FOXR1: variants seen among roughly 807,000 people sequenced by gnomAD.
FOXR1 encodes the protein forkhead box R1, also known as forkhead box protein R1.
FOXR1 carries 25 observed loss-of-function variants against 34.5 expected under a neutral mutation model. The observed-to-expected ratio is 0.72, with a 90% CI of 0.53 to 1.01. The LOEUF (loss-of-function observed/expected upper bound fraction) is 1.01, where lower values mean the gene tolerates loss of function less well. FOXR1 is among the 50% of genes least tolerant of loss of function. The pLI, the probability that FOXR1 is intolerant of heterozygous loss-of-function variation, is 0.00. For synonymous variants in FOXR1, 153 were observed against 141.6 expected (o/e 1.08, Z -0.57); for missense variants, 373 against 376.2 (o/e 0.99, Z 0.07).
At chr11:118,972,105 G>A in intron 1 of FOXR1, 113 bp downstream of exon 1, 1 of 884,498 alleles carries the variant, frequency 1.1e-6, no homozygotes, top group Non-Finnish European at 1.6e-6. Context: ...CTCCCGGGGA[G>A]GCTTGGGGGG....
intron 1 of FOXR1, among the ~76,000 whole-genome samples, chr11:118,975,153 A>C (rs1049858360): frequency 1.3e-5 from 2 of 152,158 alleles, no homozygotes; most frequent in African/African-American, 4.8e-5. Context: ...ACTAGCAAAA[A>C]AGACTATTGA....
Position 118,980,498 on chromosome 11 carries a change from TC to T in FOXR1, c.624del (p.Phe210SerfsTer44), listed in dbSNP as rs534285438. Reference protein sequence around the residue: ...QQIYSFTRKHFPFFRTAPEGW... With the variant: ...QQIYSFTRKHXPFFRTAPEGW... ...CTCCTCCCTGTCCATAGAAAGCACT[TC>T]CCCTTTTTCCGGACGGCCCCGGAAG... On this transcript the variant is annotated frameshift_variant, in exon 5 of 6. Transcript: ENST00000317011. LOFTEE classifies it high-confidence loss of function. 7.4e-6 allele frequency: 12 copies of T among 1,614,076 alleles called. No homozygotes were observed. Among genetic ancestry groups the T allele is most frequent in the Non-Finnish European group, 1.0e-5 (12 of 1,180,016 alleles).
chr11:118,980,876 T>C, intron 5 of FOXR1, 148 bp downstream of exon 5: 1 of 837,580 alleles, frequency 1.2e-6, no homozygotes. Flanking sequence ...TCTGAGACCC[T>C]CAGGTGATGC....
chr11:118,980,624 G>A lies in FOXR1; in HGVS notation c.746G>A (p.Cys249Tyr). 1 of 1,614,232 alleles carries A rather than the reference G, an allele frequency of 6.2e-7. No individual in the cohort carries two copies. The highest frequency in any genetic ancestry group is 8.5e-7 in the Non-Finnish European group (1 of 1,180,056). The change falls in exon 5 of 6, where the codon TGC (cysteine) becomes TAC (tyrosine). Residue 249 changes from cysteine to tyrosine, a missense_variant. Coordinates refer to ENST00000317011, the MANE Select transcript of FOXR1 (RefSeq NM_181721.3). ...QGGASTRPRS[C>Y]LWKLTEEGHR... ...GGGGCCAGCACACGGCCTCGATCTT[G>A]CCTCTGGAAGTTGACCGAGGAGGGA...
intron 1 of FOXR1, among the ~76,000 whole-genome samples, chr11:118,972,364 A>G (rs1941721517): frequency 6.6e-6 from 1 of 151,764 alleles, no homozygotes; most frequent in African/African-American, 2.4e-5. Context: ...GCCATTTGCT[A>G]TACTGTATAT....
chr11:118,976,069 C>T (rs897637244), intron 1 of FOXR1, among the ~76,000 whole-genome samples: 9 of 152,098 alleles, frequency 5.9e-5, no homozygotes, highest in Non-Finnish European at 1.0e-4. Context: ...CGAGGTGGTG[C>T]GTTTTTATGT....
intron 1 of FOXR1, among the ~76,000 whole-genome samples, chr11:118,977,194 C>A (rs887146472): frequency 2.0e-5 from 3 of 152,012 alleles, no homozygotes; most frequent in Non-Finnish European, 4.4e-5. Context: ...CCAAGCCCGG[C>A]TAATTTTTTG....
Position 118,978,816 on chromosome 11 carries a change from A to G in FOXR1, c.96A>G (p.Pro32=), listed in dbSNP as rs1314284811. The G allele has an allele frequency of 6.2e-7, 1 of 1,614,214 alleles. No homozygotes were observed. Among genetic ancestry groups the G allele is most frequent in the Non-Finnish European group, 8.5e-7 (1 of 1,180,050 alleles). Reference sequence around the variant, plus strand: ...ATAAACTCCGAATTGTTAAGCCACCAAAATTACCCCTAGAGAAAAAACCCA... The same window carrying G: ...ATAAACTCCGAATTGTTAAGCCACCGAAATTACCCCTAGAGAAAAAACCCA... ...ARYKLRIVKP[P]KLPLEKKPNP... The change falls in exon 2 of 6, where the codon CCA becomes CCG. Residue 32 remains proline (P), a synonymous_variant. Transcript: ENST00000317011.
At chr11:118,974,482 C>T (rs1033428104) in intron 1 of FOXR1, among the ~76,000 whole-genome samples, 1 of 152,218 alleles carries the variant, frequency 6.6e-6, no homozygotes. Flanking sequence ...GAGTGACATG[C>T]TCTCAGGGTC....
chr11:118,973,411 G>GT (rs906175957), intron 1 of FOXR1, among the ~76,000 whole-genome samples: 9 of 151,652 alleles, frequency 5.9e-5, no homozygotes, highest in African/African-American at 7.3e-5. Flanking sequence ...GCTACAGTTT[G>GT]TTTTTTTTGT....
At position 118,978,844 on chromosome 11, in the gene FOXR1, C is replaced by T; in HGVS notation, c.124C>T (p.Pro42Ser). 1.2e-6 allele frequency: 2 copies of T among 1,614,168 alleles called. No homozygotes were observed. The highest frequency in any genetic ancestry group is 1.7e-6 in the Non-Finnish European group (2 of 1,180,040). Residue 42 changes from proline (P) to serine (S), a missense_variant, in exon 2 of 6, where the codon CCT (proline) becomes TCT (serine). Coordinates refer to ENST00000317011, the MANE Select transcript of FOXR1 (RefSeq NM_181721.3). ...PKLPLEKKPN[P>S]DKDGPDYEPN... ...ATTACCCCTAGAGAAAAAACCCAAC[C>T]CTGATAAGGATGGTACGTATTGAGT...
At chr11:118,975,881 A>G (rs535594968) in intron 1 of FOXR1, among the ~76,000 whole-genome samples, 47 of 152,300 alleles carry the variant, frequency 3.1e-4, no homozygotes, top group African/African-American at 1.0e-3. Flanking sequence ...CTTGAATCCC[A>G]TGGTCAGATA....
chr11:118,976,257 G>A (rs531323093), intron 1 of FOXR1, among the ~76,000 whole-genome samples: 3 of 152,308 alleles, frequency 2.0e-5, no homozygotes, highest in South Asian at 4.1e-4. Flanking sequence ...GTGCAATAGC[G>A]TAAGCTTGGC....
chr11:118,977,635 C>T (rs1941795683), intron 1 of FOXR1, among the ~76,000 whole-genome samples: 1 of 152,108 alleles, frequency 6.6e-6, no homozygotes, highest in African/African-American at 2.4e-5. Context: ...ACATAATAGG[C>T]ATCCTCTCTA....
intron 1 of FOXR1, among the ~76,000 whole-genome samples, chr11:118,974,168 A>T (rs1347796724): frequency 6.6e-6 from 1 of 152,222 alleles, no homozygotes; most frequent in African/African-American, 2.4e-5. Context: ...GGTGTGGTTG[A>T]GAGCAGGAAT....
intron 1 of FOXR1, among the ~76,000 whole-genome samples, chr11:118,974,700 G>A (rs923052018): frequency 6.6e-6 from 1 of 152,194 alleles, no homozygotes; most frequent in Non-Finnish European, 1.5e-5. Context: ...GACTGTGGAT[G>A]TACAGAGTCT....
chr11:118,979,403 TGAG>T, intron 3 of FOXR1, 36 bp from the exon 4 acceptor site: 1 of 1,531,828 alleles, frequency 6.5e-7, no homozygotes, highest in Non-Finnish European at 8.8e-7. Context: ...GAGTAGAGGC[TGAG>T]GAGTCAGGAC....
At chr11:118,975,499 TCTTGAGCAGCCTTGAGCAGC>T (rs59884679) in intron 1 of FOXR1, among the ~76,000 whole-genome samples, 62 of 150,258 alleles carry the variant, frequency 4.1e-4, no homozygotes, top group African/African-American at 1.3e-3. Context: ...CTCACTGCAG[TCTTGAGCAGCCTTGAGCAGC>T]CTTGAGCAGC....
intron 3 of FOXR1, 34 bp downstream of exon 3, chr11:118,979,238 G>C (rs781992140): frequency 4.5e-5 from 68 of 1,509,118 alleles, no homozygotes; most frequent in Non-Finnish European, 5.2e-5. Flanking sequence ...TGGGACTTGG[G>C]CAGTAGGCGA....
Sources: allele counts gnomAD v4.1 joint callset (sites outside exome capture counted in the v4.1 genomes callset), GRCh38; gene constraint gnomAD v4.1.1; transcripts MANE v1.5; gene names NCBI Gene and HGNC (gene_info 2026-07-23, HGNC 2026-07-21).